The following CCDC144A variants were observed in gnomAD, a reference collection of about 807,000 sequenced individuals.
CCDC144A encodes coiled-coil domain-containing protein 144A.
In CCDC144A, 41 loss-of-function variants were observed where a neutral mutation model predicts 143.8. That is an observed-to-expected ratio of 0.29 (90% confidence interval 0.22 to 0.37). The LOEUF (loss-of-function observed/expected upper bound fraction) is 0.37, where lower values mean the gene tolerates loss of function less well. Among genes scored for constraint, CCDC144A ranks in the 10% least tolerant of loss-of-function variants. The pLI is 1.00. For synonymous variants in CCDC144A, 242 were observed against 517.9 expected, an observed-to-expected ratio of 0.47 and a Z score of 7.23; for missense variants, 637 against 1,488.8, an observed-to-expected ratio of 0.43 and a Z score of 9.41.
intron 16 of CCDC144A, 130 bp downstream of exon 16, chr17:16,772,149 T>G (rs1321784852): frequency 1.8e-5 from 11 of 615,608 alleles, no homozygotes; most frequent in Middle Eastern, 3.9e-4. Context: ...ATACATCTAA[T>G]GAAAGATGTG....
At chr17:16,704,923 TAGTA>T (rs1288272866) in intron 2 of CCDC144A, among the ~76,000 whole-genome samples, 1 of 152,074 alleles carries the variant, frequency 6.6e-6, no homozygotes, top group African/African-American at 2.4e-5. Flanking sequence ...AAGTAAGTAA[TAGTA>T]AGCAGTAAAA....
At chr17:16,675,051 C>T in the CCDC144A span, among the ~76,000 whole-genome samples, 33 of 151,866 alleles carry the variant, frequency 2.2e-4, no homozygotes, top group African/African-American at 7.3e-4. Flanking sequence ...AATGGATCAC[C>T]TGAGGCCAGA....
intron 8 of CCDC144A, among the ~76,000 whole-genome samples, chr17:16,726,745 A>G (rs974515738): frequency 1.6e-4 from 24 of 151,768 alleles, no homozygotes; most frequent in Non-Finnish European, 3.2e-4. Context: ...CTCAGGAGGT[A>G]TTTTTGCAAA....
rs527924981 is a variant in CCDC144A at position 16,743,581 on chromosome 17, A to G, written c.3372+7938A>G. Among the ~76,000 whole-genome samples the G allele has an allele frequency of 1.1e-4, 17 of 151,960 alleles. No homozygotes were observed. In the South Asian group the frequency reaches 3.5e-3, roughly 32 times the overall value. On this transcript the variant is annotated intron_variant, in intron 12 of 16. Transcript: ENST00000399273. Reference sequence around the variant, plus strand: ...GGCTTGTATAGTCTAGCTTTTTTGCAGTTCCATATGAATTTTAGGATTGTT... The same window carrying G: ...GGCTTGTATAGTCTAGCTTTTTTGCGGTTCCATATGAATTTTAGGATTGTT...
In CCDC144A at chr17:16,740,078, C is replaced by T. The variant is rs533206893; in HGVS notation, c.3372+4435C>T. ...TCACAGGATATGCTGACTCCTTCTA[C>T]TATTTACTGCATTATGTTTTTATTA... On this transcript the variant is annotated intron_variant, in intron 12 of 16. Transcript: ENST00000399273. Among the ~76,000 whole-genome samples the T allele has an allele frequency of 3.9e-5, 6 of 152,246 alleles. No individual in the cohort carries two copies. The East Asian group carries it at 1.2e-3, about 29-fold the overall frequency.
chr17:16,741,832 T>G (rs1232157614), intron 12 of CCDC144A, among the ~76,000 whole-genome samples: 1 of 152,184 alleles, frequency 6.6e-6, no homozygotes, highest in Non-Finnish European at 1.5e-5. Context: ...CAATGCATAA[T>G]GGTCAAATCA....
rs551343229 is a variant in CCDC144A at position 16,775,903 on chromosome 17, C to T, written c.*2270C>T. ...TGTATATGGGTTAAGGAAGGGGTCC[C>T]GTTTCAATTTGCTGCATATGGCTAG... On this transcript the variant is annotated 3_prime_UTR_variant, in exon 17 of 17. Coordinates refer to ENST00000399273, the MANE Select transcript of CCDC144A (RefSeq NM_001382000.1). 12 of 152,378 alleles carry T rather than the reference C, an allele frequency of 7.9e-5. No individual in the cohort carries two copies. The highest frequency in any genetic ancestry group is 1.3e-4 in the Non-Finnish European group (9 of 68,052). 9.4% of individuals were successfully genotyped at this position (152,378 alleles called of 1,614,324 possible).
At chr17:16,746,424 T>C in intron 12 of CCDC144A, 1 of 1,584,612 alleles carries the variant, frequency 6.3e-7, no homozygotes, top group Non-Finnish European at 8.7e-7. Flanking sequence ...AAAAGAGGTG[T>C]GGTTCTTCTA....
chr17:16,749,963 G>A (rs1325519700), intron 12 of CCDC144A, among the ~76,000 whole-genome samples: 1 of 152,196 alleles, frequency 6.6e-6, no homozygotes, highest in African/African-American at 2.4e-5. Context: ...TTTACTCAGA[G>A]CCTGTGGGTG....
At chr17:16,711,403 A>G (rs182503918) in intron 5 of CCDC144A, among the ~76,000 whole-genome samples, 5 of 152,084 alleles carry the variant, frequency 3.3e-5, no homozygotes, top group African/African-American at 1.2e-4. Flanking sequence ...CAAAATTAAG[A>G]AGGGCCCTGC....
chr17:16,669,901 A>C, the CCDC144A span, among the ~76,000 whole-genome samples: 1 of 152,144 alleles, frequency 6.6e-6, no homozygotes, highest in East Asian at 1.9e-4. Flanking sequence ...ATAGAAAACT[A>C]TTGTTAGGCC....
intron 12 of CCDC144A, among the ~76,000 whole-genome samples, chr17:16,757,005 T>C (rs551489574): frequency 7.1e-4 from 108 of 152,388 alleles, no homozygotes; most frequent in African/African-American, 2.5e-3. Flanking sequence ...CTCAGGCACA[T>C]TGATGGCATA....
At chr17:16,767,515 G>A (rs1369438984) in intron 15 of CCDC144A, among the ~76,000 whole-genome samples, 3 of 150,664 alleles carry the variant, frequency 2.0e-5, no homozygotes, top group Non-Finnish European at 3.0e-5. Context: ...AAAGGTAGGG[G>A]GTGGGGTGGG....
intron 12 of CCDC144A, among the ~76,000 whole-genome samples, chr17:16,750,321 G>T (rs1347157198): frequency 1.3e-5 from 2 of 151,520 alleles, no homozygotes; most frequent in South Asian, 4.2e-4. Flanking sequence ...GTCTGGAAAA[G>T]ATTGTATTTC....
rs551953701 is a variant in CCDC144A at position 16,751,429 on chromosome 17, G to A, written c.3373-9996G>A. On this transcript the variant is annotated intron_variant, in intron 12 of 16. Transcript: ENST00000399273. ...TCCAGGAGATGGTGCTCTAGAGTACGGGCTGGCATGCCTCTTTTCTATTTC... is the reference window on the plus strand; with the variant it reads ...TCCAGGAGATGGTGCTCTAGAGTACAGGCTGGCATGCCTCTTTTCTATTTC... Among the ~76,000 whole-genome samples, 21 of 152,266 alleles carry A rather than the reference G, an allele frequency of 1.4e-4. 1 individual carries two copies. Among genetic ancestry groups the A allele is most frequent in the Admixed American group, 1.1e-3 (17 of 15,302 alleles).
At chr17:16,771,725 A>G (rs1035389029) in intron 15 of CCDC144A, among the ~76,000 whole-genome samples, 4 of 152,280 alleles carry the variant, frequency 2.6e-5, no homozygotes, top group Non-Finnish European at 1.5e-5. Context: ...CACTTTTGAA[A>G]TGACATAGCT....
intron 12 of CCDC144A, among the ~76,000 whole-genome samples, chr17:16,756,206 T>A (rs1157804519): frequency 6.6e-6 from 1 of 152,250 alleles, no homozygotes; most frequent in Non-Finnish European, 1.5e-5. Context: ...CTGTGCCTTT[T>A]CCCATCTCTT....
At chr17:16,741,755 A>AT (rs1399243988) in intron 12 of CCDC144A, among the ~76,000 whole-genome samples, 5 of 152,008 alleles carry the variant, frequency 3.3e-5, no homozygotes, top group East Asian at 1.9e-4. Flanking sequence ...GCTTCTTTAG[A>AT]TTTTTTGTGG....
chr17:16,689,800 A>G (rs1320989912), upstream of CCDC144A: 3 of 152,004 alleles, frequency 2.0e-5, no homozygotes. Flanking sequence ...CAGCCATCTG[A>G]CTCCGCTTGC....
Sources: allele counts gnomAD v4.1 joint callset (sites outside exome capture counted in the v4.1 genomes callset), GRCh38; gene constraint gnomAD v4.1.1; transcripts MANE v1.5; gene names NCBI Gene and HGNC (gene_info 2026-07-23, HGNC 2026-07-21).